The following NSUN6 variants were observed in gnomAD, a reference collection of about 807,000 sequenced individuals.
NSUN6 encodes the protein tRNA (cytosine(72)-C(5))-methyltransferase NSUN6.
In NSUN6, 64 loss-of-function variants were observed where a neutral mutation model predicts 58.0. The observed-to-expected ratio is 1.10, with a 90% CI of 0.90 to 1.36. The LOEUF (loss-of-function observed/expected upper bound fraction) is 1.36. Among genes scored for constraint, NSUN6 ranks in the 40% most tolerant of loss-of-function variants. The pLI, the probability that NSUN6 is intolerant of heterozygous loss-of-function variation, is 0.00. For missense variants in NSUN6, 701 were observed against 550.1 expected (o/e 1.27, Z -2.74); for synonymous variants, 231 against 193.9 (o/e 1.19, Z -1.59).
At chr10:18,652,269 A>C (rs546064186), upstream of NSUN6, 3 of 984,866 alleles carry the variant, frequency 3.0e-6, no homozygotes, top group South Asian at 1.4e-4. Flanking sequence ...GATTCAAAGA[A>C]CGAGGATATC....
At chr10:18,594,457 G>C (rs1162160041) in intron 7 of NSUN6, among the ~76,000 whole-genome samples, 1 of 146,486 alleles carries the variant, frequency 6.8e-6, no homozygotes, top group Non-Finnish European at 1.5e-5. Flanking sequence ...GTTGTTTTTT[G>C]TTTTTTTTTG....
At chr10:18,603,510 G>A (rs1168568444) in intron 6 of NSUN6, among the ~76,000 whole-genome samples, 5 of 147,520 alleles carry the variant, frequency 3.4e-5, no homozygotes, top group East Asian at 2.0e-4. Flanking sequence ...CGCTCTTGTC[G>A]CCCAGGCTGG....
intron 7 of NSUN6, among the ~76,000 whole-genome samples, chr10:18,595,011 C>A (rs10764604): frequency 6.6e-6 from 1 of 152,020 alleles, no homozygotes; most frequent in Non-Finnish European, 1.5e-5. Flanking sequence ...GCTGGGCCAG[C>A]CTGCTGGTCC....
chr10:18,582,062 G>A (rs574700946), intron 8 of NSUN6, among the ~76,000 whole-genome samples: 4 of 152,126 alleles, frequency 2.6e-5, no homozygotes, highest in African/African-American at 4.8e-5. Context: ...CTTACCAGCC[G>A]AAAGTCCCTA....
intron 3 of NSUN6, among the ~76,000 whole-genome samples, chr10:18,638,330 T>C (rs1185912573): frequency 6.6e-6 from 1 of 152,136 alleles, no homozygotes; most frequent in Non-Finnish European, 1.5e-5. Context: ...TAATCTCAAC[T>C]ACTCGGGAGC....
chr10:18,647,787 T>G (rs996768111), intron 2 of NSUN6, among the ~76,000 whole-genome samples: 4 of 138,896 alleles, frequency 2.9e-5, no homozygotes, highest in Non-Finnish European at 4.5e-5. Context: ...CAGGCTGGAG[T>G]GCAGTCATGC....
At chr10:18,621,251 G>T (rs1370396466) in intron 3 of NSUN6, among the ~76,000 whole-genome samples, 1 of 152,184 alleles carries the variant, frequency 6.6e-6, no homozygotes, top group South Asian at 2.1e-4. Context: ...AGCACTGGGG[G>T]ACTTCCTGTG....
chr10:18,553,214 C>G (rs1338414386), intron 8 of NSUN6, among the ~76,000 whole-genome samples: 1 of 151,908 alleles, frequency 6.6e-6, no homozygotes, highest in Admixed American at 6.6e-5. Context: ...ATTCTCCATT[C>G]CATTCCATGC....
chr10:18,640,968 C>CA (rs1425218916), intron 3 of NSUN6, among the ~76,000 whole-genome samples: 2 of 151,792 alleles, frequency 1.3e-5, no homozygotes, highest in Non-Finnish European at 2.9e-5. Flanking sequence ...GGGTATGTTA[C>CA]AGCTTCCAGA....
intron 6 of NSUN6, among the ~76,000 whole-genome samples, chr10:18,597,809 C>T (rs11816097): frequency 0.012 from 1,763 of 152,228 alleles, 37 homozygotes; most frequent in African/African-American, 0.041. Context: ...TACAAAAAAA[C>T]TGTGAGATGG....
chr10:18,579,316 G>C (rs369060563), intron 8 of NSUN6, among the ~76,000 whole-genome samples: 1 of 151,936 alleles, frequency 6.6e-6, no homozygotes, highest in African/African-American at 2.4e-5. Flanking sequence ...GACTATAGGC[G>C]CCCGCCACCA....
chr10:18,574,468 T>C (rs2056552243), intron 8 of NSUN6, among the ~76,000 whole-genome samples: 1 of 152,078 alleles, frequency 6.6e-6, no homozygotes, highest in Non-Finnish European at 1.5e-5. Context: ...TTTATTATCA[T>C]ACAAAGGTTT....
chr10:18,588,126 C>G (rs889160972), intron 7 of NSUN6, among the ~76,000 whole-genome samples: 1 of 152,162 alleles, frequency 6.6e-6, no homozygotes, highest in Non-Finnish European at 1.5e-5. Context: ...GCTGTTGTAC[C>G]TTGACAGTGC....
chr10:18,610,423 T>C (rs2058191643), intron 5 of NSUN6, among the ~76,000 whole-genome samples: 1 of 152,228 alleles, frequency 6.6e-6, no homozygotes, highest in South Asian at 2.1e-4. Flanking sequence ...AATTTTTACC[T>C]GCAGAATACG....
At chr10:18,647,774 G>A (rs901254169) in intron 2 of NSUN6, among the ~76,000 whole-genome samples, 4 of 124,486 alleles carry the variant, frequency 3.2e-5, no homozygotes, top group Non-Finnish European at 4.7e-5. Flanking sequence ...TCATTCCATC[G>A]CCCAGGCTGG....
intron 3 of NSUN6, among the ~76,000 whole-genome samples, chr10:18,633,128 T>C (rs2059095325): frequency 1.3e-5 from 2 of 151,794 alleles, no homozygotes; most frequent in Admixed American, 6.6e-5. Context: ...AAATTGGAAA[T>C]CATCATTCTC....
intron 6 of NSUN6, 84 bp from the exon 7 acceptor site, chr10:18,596,411 G>C (rs918359735): frequency 2.7e-5 from 24 of 888,118 alleles, no homozygotes; most frequent in African/African-American, 2.0e-4. Context: ...GAACCCTTTG[G>C]GGGTAATCCA....
intron 3 of NSUN6, among the ~76,000 whole-genome samples, chr10:18,639,048 A>G (rs867146642): frequency 4.6e-5 from 7 of 151,596 alleles, no homozygotes; most frequent in South Asian, 2.1e-4. Context: ...TGAGCTCAGG[A>G]GTTTGAGACC....
At chr10:18,630,684 ATT>A (rs1433299536) in intron 3 of NSUN6, among the ~76,000 whole-genome samples, 1 of 152,232 alleles carries the variant, frequency 6.6e-6, no homozygotes, top group East Asian at 1.9e-4. Flanking sequence ...CAACACATAC[ATT>A]ATCCCAAGAC....
Sources: gnomAD v4.1 joint callset for allele counts (sites outside exome capture counted in the v4.1 genomes callset) on GRCh38, gnomAD v4.1.1 for gene constraint, MANE v1.5 for transcripts, NCBI Gene and HGNC (gene_info 2026-07-23, HGNC 2026-07-21) for gene names.